HMGB1: variants seen among roughly 807,000 people sequenced by gnomAD.
The protein encoded by HMGB1 is high mobility group protein B1.
For missense variants in HMGB1, 79 were observed against 253.5 expected, an observed-to-expected ratio of 0.31 and a Z score of 4.67; for synonymous variants, 81 against 84.0, an observed-to-expected ratio of 0.96 and a Z score of 0.19.
chr13:30,588,075 T>C (rs185177640), intron 1 of HMGB1, among the ~76,000 whole-genome samples: 1 of 152,366 alleles, frequency 6.6e-6, no homozygotes, highest in Admixed American at 6.5e-5. Context: ...TTTATCATAT[T>C]ATTTAAGAAA....
chr13:30,600,463 TAAG>T (rs1013719198), intron 1 of HMGB1, among the ~76,000 whole-genome samples: 3 of 152,166 alleles, frequency 2.0e-5, no homozygotes, highest in Admixed American at 6.5e-5. Flanking sequence ...CCGAGAACAG[TAAG>T]AAGAACGTGA....
intron 1 of HMGB1, among the ~76,000 whole-genome samples, chr13:30,505,823 C>G (rs1271287705): frequency 6.6e-6 from 1 of 152,122 alleles, no homozygotes; most frequent in African/African-American, 2.4e-5. Flanking sequence ...TGGATCCCCC[C>G]TTTGTCTTCA....
At chr13:30,616,550 GTAC>G (rs943304472) in intron 1 of HMGB1, 3 of 152,160 alleles carry the variant, frequency 2.0e-5, no homozygotes, top group African/African-American at 7.2e-5. Context: ...TCAGGAGGAA[GTAC>G]TACTTTCTCC....
At position 30,538,638 on chromosome 13, in the gene HMGB1, T is replaced by TCTTC. The variant is rs1491441195; in HGVS notation, c.-14-74948_-14-74945dup. 4.4e-4 allele frequency among the ~76,000 whole-genome samples: 53 copies of TCTTC among 121,426 alleles called. 4 individuals carry two copies. The highest frequency in any genetic ancestry group is 2.0e-3 in the African/African-American group (50 of 24,828). The allele number at this position is 121,426 out of a possible 152,430, so 79.7% of individuals were successfully genotyped here. The stretch of plus-strand genomic sequence containing the variant: ...CTTTCTCTCTCTCTTTCTTTTTCTT[T>TCTTC]CTTCCTTTCTTTCTTTCTTTCTTTC... On this transcript the variant is annotated intron_variant, in intron 1 of 4. Coordinates refer to the HMGB1 transcript ENST00000405805.
chr13:30,482,676 T>C (rs1887258812), intron 1 of HMGB1, among the ~76,000 whole-genome samples: 1 of 152,140 alleles, frequency 6.6e-6, no homozygotes, highest in East Asian at 1.9e-4. Flanking sequence ...AAACCAACAG[T>C]ATCAGAAAGA....
intron 1 of HMGB1, chr13:30,464,833 G>A (rs1417780088): frequency 1.9e-5 from 3 of 159,368 alleles, no homozygotes; most frequent in Admixed American, 1.4e-4. Context: ...GGCGGCGGCG[G>A]CGGGCGGGGT....
At chr13:30,551,998 G>A (rs1449357715) in intron 1 of HMGB1, among the ~76,000 whole-genome samples, 4 of 152,060 alleles carry the variant, frequency 2.6e-5, no homozygotes, top group East Asian at 1.9e-4. Context: ...CTGGCCAATC[G>A]CTGCAATTTT....
chr13:30,587,677 T>C (rs1871211002), intron 1 of HMGB1, among the ~76,000 whole-genome samples: 1 of 152,222 alleles, frequency 6.6e-6, no homozygotes, highest in South Asian at 2.1e-4. Flanking sequence ...AATACTAAGA[T>C]GTGATGCTCA....
intron 1 of HMGB1, among the ~76,000 whole-genome samples, chr13:30,501,613 A>G (rs532913816): frequency 6.6e-6 from 1 of 152,340 alleles, no homozygotes; most frequent in Non-Finnish European, 1.5e-5. Context: ...GCAAGATAAA[A>G]GGTTGATTGT....
intron 1 of HMGB1, among the ~76,000 whole-genome samples, chr13:30,495,616 C>A (rs1436537295): frequency 6.6e-6 from 1 of 152,004 alleles, no homozygotes; most frequent in African/African-American, 2.4e-5. Flanking sequence ...ATAGTTGGGA[C>A]TACAGGCGCG....
intron 1 of HMGB1, among the ~76,000 whole-genome samples, chr13:30,597,982 C>T (rs955010995): frequency 4.9e-4 from 74 of 152,166 alleles, no homozygotes; most frequent in African/African-American, 1.4e-3. Flanking sequence ...GGCATGCTTC[C>T]GATAGCCTTA....
intron 1 of HMGB1, among the ~76,000 whole-genome samples, chr13:30,584,130 C>T (rs771049571): frequency 5.3e-5 from 8 of 152,088 alleles, no homozygotes; most frequent in Non-Finnish European, 8.8e-5. Flanking sequence ...AATAAATAAA[C>T]CCAAATCCAA....
In HMGB1 at chr13:30,559,014, T is replaced by C. The variant is rs1869819409; in HGVS notation, c.-15+57657A>G. Among the ~76,000 whole-genome samples, 1 of 152,220 alleles carries C rather than the reference T, an allele frequency of 6.6e-6. No individual in the cohort carries two copies. Among genetic ancestry groups the C allele is most frequent in the Non-Finnish European group, 1.5e-5 (1 of 68,050 alleles). ...TGACTCACAGTAGGTGTTCAGAATG[T>C]GTTGAATGAATAAATGATCTGTACA... On this transcript the variant is annotated intron_variant, in intron 1 of 4. Transcript: ENST00000405805. The surrounding 1 kb of genome is among the most constrained non-coding windows in gnomAD (Gnocchi z 6.6).
intron 1 of HMGB1, among the ~76,000 whole-genome samples, chr13:30,530,128 C>T (rs1888462163): frequency 1.3e-5 from 2 of 152,118 alleles, no homozygotes; most frequent in African/African-American, 4.8e-5. Flanking sequence ...AGTTGAGCAT[C>T]CCTCATCTGA....
chr13:30,607,437 C>T (rs148513904), intron 1 of HMGB1, among the ~76,000 whole-genome samples: 201 of 152,270 alleles, frequency 1.3e-3, no homozygotes, highest in African/African-American at 4.6e-3. Flanking sequence ...CCTACTTGCT[C>T]GCTCTCTTCT....
chr13:30,533,027 A>G (rs993363509), intron 1 of HMGB1, among the ~76,000 whole-genome samples: 3 of 152,194 alleles, frequency 2.0e-5, no homozygotes, highest in African/African-American at 4.8e-5. Context: ...CAATAGCTTC[A>G]TAACTTCACC....
At chr13:30,462,441 AG>A in intron 4 of HMGB1, 96 bp downstream of exon 4, 1 of 918,622 alleles carries the variant, frequency 1.1e-6, no homozygotes, top group South Asian at 1.3e-5. Context: ...TACTTAATGT[AG>A]CTGTTACCCT....
intron 1 of HMGB1, among the ~76,000 whole-genome samples, chr13:30,561,833 G>A (rs1429308678): frequency 6.6e-6 from 1 of 152,156 alleles, no homozygotes. Flanking sequence ...CAAGATAGTG[G>A]AATTTACTGA....
At chr13:30,611,037 C>G (rs1950508240) in intron 1 of HMGB1, among the ~76,000 whole-genome samples, 1 of 152,236 alleles carries the variant, frequency 6.6e-6, no homozygotes. Context: ...AACTGACCCT[C>G]AATTTAGCTG....
Sources: allele counts gnomAD v4.1 joint callset (sites outside exome capture counted in the v4.1 genomes callset), GRCh38; gene constraint gnomAD v4.1.1; non-coding constraint Gnocchi (gnomAD v3.1); transcripts MANE v1.5; gene names NCBI Gene and HGNC (gene_info 2026-07-23, HGNC 2026-07-21).